The following DIP2A variants were observed in gnomAD, a reference collection of about 807,000 sequenced individuals.
DIP2A encodes the protein disco-interacting protein 2 homolog A.
DIP2A carries 85 observed loss-of-function variants against 177.4 expected under a neutral mutation model. That is an observed-to-expected ratio of 0.48 (90% CI 0.40 to 0.57). The LOEUF (loss-of-function observed/expected upper bound fraction) is 0.57, where lower values mean the gene tolerates loss of function less well. Ranked by LOEUF, DIP2A falls within the 20% of genes least tolerant of loss-of-function variation. The probability of loss-of-function intolerance (pLI) is 0.00; values close to 1 mark genes in which losing one functional copy is unlikely to be tolerated. For missense variants in DIP2A, 1,791 were observed against 2,100.2 expected (o/e 0.85, Z 2.88); for synonymous variants, 886 against 881.8 (o/e 1.00, Z -0.08).
chr21:46,517,241 T>C (rs757514349), intron 8 of DIP2A, among the ~76,000 whole-genome samples: 1 of 151,836 alleles, frequency 6.6e-6, no homozygotes, highest in Non-Finnish European at 1.5e-5. Context: ...TTTTCTTTCT[T>C]TCTTATTTTC....
chr21:46,543,354 C>T lies in DIP2A; in HGVS notation c.2176+1459C>T, dbSNP rs573243714. 6.6e-5 allele frequency among the ~76,000 whole-genome samples: 10 copies of T among 152,298 alleles called. No individual in the cohort carries two copies. The South Asian group carries it at 1.0e-3, about 16-fold the overall frequency. ...AATCTTAGGAACATCTGTAGTTGTG[C>T]GCGTTTTATTTGTAAAATGTGGATT... is the stretch of plus-strand genomic sequence containing the variant. On this transcript the variant is annotated intron_variant, in intron 18 of 37. Coordinates refer to ENST00000417564, the MANE Select transcript of DIP2A (RefSeq NM_015151.4).
intron 6 of DIP2A, among the ~76,000 whole-genome samples, chr21:46,506,414 A>C (rs1402987683): frequency 1.3e-5 from 2 of 152,180 alleles, no homozygotes; most frequent in Non-Finnish European, 2.9e-5. Flanking sequence ...CACCATACCC[A>C]GCCTATTTTA....
At chr21:46,463,534 T>G (rs2054504108) in intron 1 of DIP2A, among the ~76,000 whole-genome samples, 1 of 152,210 alleles carries the variant, frequency 6.6e-6, no homozygotes, top group Admixed American at 6.5e-5. Flanking sequence ...TTTTCTTGAT[T>G]TCTTATATTC....
At chr21:46,580,026 TCTAA>T in the DIP2A span, among the ~76,000 whole-genome samples, 1 of 152,226 alleles carries the variant, frequency 6.6e-6, no homozygotes, top group Non-Finnish European at 1.5e-5. Flanking sequence ...CTCTTGATGA[TCTAA>T]CTAATATTGA....
At chr21:46,562,508 A>T (rs2148912498) in intron 34 of DIP2A, among the ~76,000 whole-genome samples, 1 of 152,204 alleles carries the variant, frequency 6.6e-6, no homozygotes, top group South Asian at 2.1e-4. Flanking sequence ...ACCTGTGGGG[A>T]GTCAGAGAGG....
intron 1 of DIP2A, among the ~76,000 whole-genome samples, chr21:46,474,718 A>G (rs1219197026): frequency 6.6e-6 from 1 of 152,120 alleles, no homozygotes; most frequent in Non-Finnish European, 1.5e-5. Context: ...CTTGGGCTCA[A>G]GTGATCATTT....
chr21:46,507,365 G>A (rs2058064931), intron 6 of DIP2A, among the ~76,000 whole-genome samples: 1 of 152,126 alleles, frequency 6.6e-6, no homozygotes, highest in Non-Finnish European at 1.5e-5. Context: ...TAGGTAGATA[G>A]TTCATTTTGA....
At chr21:46,460,441 G>A (rs1191148399) in intron 1 of DIP2A, among the ~76,000 whole-genome samples, 1 of 152,184 alleles carries the variant, frequency 6.6e-6, no homozygotes, top group African/African-American at 2.4e-5. Context: ...TGCATTTTCA[G>A]CTTTTAGAAT....
chr21:46,560,793 C>T lies in DIP2A; in HGVS notation c.4031+10C>T. Reference sequence around the variant, plus strand: ...CACTGCGCCATGACAGGTAATGCTCCCAGCCTGCCTGGGCCCCATGGATAC... The same window carrying T: ...CACTGCGCCATGACAGGTAATGCTCTCAGCCTGCCTGGGCCCCATGGATAC... On this transcript the variant is annotated intron_variant, in intron 33 of 37. Coordinates refer to ENST00000417564, the MANE Select transcript of DIP2A (RefSeq NM_015151.4). The T allele has an allele frequency of 2.5e-6, 4 of 1,601,246 alleles. No individual in the cohort carries two copies. Among genetic ancestry groups the T allele is most frequent in the Non-Finnish European group, 3.4e-6 (4 of 1,174,196 alleles).
chr21:46,473,948 T>G (rs973469656), intron 1 of DIP2A, among the ~76,000 whole-genome samples: 1 of 152,228 alleles, frequency 6.6e-6, no homozygotes, highest in African/African-American at 2.4e-5. Flanking sequence ...TCTGTCTCCC[T>G]CTTTGATTTA....
At chr21:46,471,430 G>T (rs2055371862) in intron 1 of DIP2A, among the ~76,000 whole-genome samples, 1 of 152,134 alleles carries the variant, frequency 6.6e-6, no homozygotes, top group South Asian at 2.1e-4. Flanking sequence ...TACGTGTACA[G>T]CCTCCCGCAT....
rs545916363 is a variant in DIP2A at position 46,462,630 on chromosome 21, A to G, written c.91+3408A>G. On this transcript the variant is annotated intron_variant, in intron 1 of 37. Transcript: ENST00000417564. Reference sequence around the variant, plus strand: ...GTTATAATTTTTATATATTGTCAAAATAGTGTAACTTTTTTATAGCATTCA... The same window carrying G: ...GTTATAATTTTTATATATTGTCAAAGTAGTGTAACTTTTTTATAGCATTCA... The G allele has an allele frequency of 1.5e-4, 23 of 152,320 alleles. No homozygotes were observed. In the South Asian group the frequency reaches 4.6e-3, roughly 30 times the overall value. 9.4% of individuals were successfully genotyped at this position (152,320 alleles called of 1,614,324 possible). A position where few individuals can be genotyped will look rare whatever the true frequency, so the allele number is the denominator to read the frequency against.
intron 18 of DIP2A, among the ~76,000 whole-genome samples, chr21:46,544,147 G>A (rs564232202): frequency 6.6e-6 from 1 of 152,212 alleles, no homozygotes; most frequent in African/African-American, 2.4e-5. Context: ...GCAGAGCTGA[G>A]GACTAGGCAG....
chr21:46,473,795 C>T (rs2055608017), intron 1 of DIP2A, among the ~76,000 whole-genome samples: 1 of 152,160 alleles, frequency 6.6e-6, no homozygotes, highest in African/African-American at 2.4e-5. Flanking sequence ...GAATTATAGG[C>T]GTGAACCACT....
chr21:46,546,874 G>A (rs939099742), intron 20 of DIP2A, 41 bp from the exon 21 acceptor site: 3 of 1,607,948 alleles, frequency 1.9e-6, no homozygotes, highest in Non-Finnish European at 2.6e-6. Flanking sequence ...TCCAGCTTCT[G>A]CCCGTGTGGG....
In DIP2A at chr21:46,534,035, T is replaced by C. The variant is rs2059457266; in HGVS notation, c.1461T>C (p.Asp487=). 2 of 1,613,736 alleles carry C rather than the reference T, an allele frequency of 1.2e-6. No homozygotes were observed. Among genetic ancestry groups the C allele is most frequent in the African/African-American group, 1.3e-5 (1 of 74,998 alleles). ...GWPPLSWLVI[D]GKHLAKPPKD... Reference sequence around the variant, plus strand: ...CCCCGCTCTCCTGGCTAGTGATTGATGGGAAGCATCTAGCCAAGCCCCCAA... The same window carrying C: ...CCCCGCTCTCCTGGCTAGTGATTGACGGGAAGCATCTAGCCAAGCCCCCAA... Residue 487 remains aspartate (D), a synonymous_variant, in exon 12 of 38, where the codon GAT becomes GAC. Transcript: ENST00000417564.
At chr21:46,529,496 G>A in intron 9 of DIP2A, among the ~76,000 whole-genome samples, 1 of 151,906 alleles carries the variant, frequency 6.6e-6, no homozygotes, top group East Asian at 1.9e-4. Context: ...AGCTACCCGG[G>A]AGGCTGAGGC....
In DIP2A at chr21:46,479,294, G is replaced by T. The variant is rs1454708074; in HGVS notation, c.92-5463G>T. Among the ~76,000 whole-genome samples, 6 of 152,116 alleles carry T rather than the reference G, an allele frequency of 3.9e-5. No individual in the cohort carries two copies. In the East Asian group the frequency reaches 1.2e-3, roughly 29 times the overall value. The stretch of plus-strand genomic sequence containing the variant: ...AAACTTTAATGTGATCTTTTTAGTT[G>T]TTCCCATTGGAAGAGTTGGTCTGAG... On this transcript the variant is annotated intron_variant, in intron 1 of 37. Transcript: ENST00000417564.
At position 46,554,151 on chromosome 21, in the gene DIP2A, C is replaced by CA; in HGVS notation, c.3031-15dup. On this transcript the variant is annotated splice_polypyrimidine_tract_variant and intron_variant, in intron 25 of 37. Coordinates refer to ENST00000417564, the MANE Select transcript of DIP2A (RefSeq NM_015151.4). The stretch of plus-strand genomic sequence containing the variant: ...GCACGCACCAGCATACAGATGAGCT[C>CA]AAAGATCGCTTTCCTAGGGCACCGT... 6.2e-7 allele frequency: 1 copy of CA among 1,611,200 alleles called. No homozygotes were observed. Among genetic ancestry groups the CA allele is most frequent in the South Asian group, 1.1e-5 (1 of 90,828 alleles).
Sources: allele counts gnomAD v4.1 joint callset (sites outside exome capture counted in the v4.1 genomes callset), GRCh38; gene constraint gnomAD v4.1.1; transcripts MANE v1.5; gene names NCBI Gene and HGNC (gene_info 2026-07-23, HGNC 2026-07-21).